PGLS: variants seen among roughly 807,000 people sequenced by gnomAD.
PGLS encodes the protein epididymis secretory protein Li 304.
Under a neutral mutation model 23.2 loss-of-function variants are expected in PGLS, and 21 were observed. The observed-to-expected ratio is 0.91, with a 90% CI of 0.64 to 1.31. PGLS has a LOEUF of 1.31. Among genes scored for constraint, PGLS ranks in the 50% most tolerant of loss-of-function variants. The pLI is 0.00. For synonymous variants in PGLS, 179 were observed against 165.4 expected, an observed-to-expected ratio of 1.08 and a Z score of -0.63; for missense variants, 410 against 354.0, an observed-to-expected ratio of 1.16 and a Z score of -1.27.
intron 1 of PGLS, among the ~76,000 whole-genome samples, chr19:17,514,132 G>A (rs1003310186): frequency 2.0e-5 from 3 of 152,204 alleles, no homozygotes; most frequent in Non-Finnish European, 4.4e-5. Flanking sequence ...TTCTCTCACC[G>A]TTCTGGAGGC....
At position 17,511,656 on chromosome 19, in the gene PGLS, C is replaced by A; in HGVS notation, c.-17C>A. On this transcript the variant is annotated 5_prime_UTR_variant, in exon 1 of 5. Transcript: ENST00000252603. ...GGCCGTAGGGAGCGCTTCCTCCTCC[C>A]CGCCGCCGCCCTCGCCATGGCCGCG... 6.8e-7 allele frequency: 1 copy of A among 1,466,180 alleles called. No homozygotes were observed. The highest frequency in any genetic ancestry group is 8.9e-7 in the Non-Finnish European group (1 of 1,119,060). The allele number at this position is 1,466,180 out of a possible 1,614,324, so 90.8% of individuals were successfully genotyped here.
intron 4 of PGLS, 31 bp from the exon 5 acceptor site, chr19:17,520,913 C>G: frequency 6.5e-7 from 1 of 1,548,742 alleles, no homozygotes; most frequent in South Asian, 1.2e-5. Context: ...GGGCCGCAGG[C>G]AGGGCCTTAC....
rs371206761 is a variant in PGLS at position 17,517,864 on chromosome 19, G to T, written c.639+14G>T. ...GCTGTTCTGAAGGTAACAGCTGAGG[G>T]TTCTAGTCCTGGGAAGTTCATGGGC... is the stretch of plus-strand genomic sequence containing the variant. On this transcript the variant is annotated intron_variant, in intron 4 of 4. Coordinates refer to ENST00000252603, the MANE Select transcript of PGLS (RefSeq NM_012088.3). 1.5e-4 allele frequency: 238 copies of T among 1,613,604 alleles called. No individual in the cohort carries two copies. Among genetic ancestry groups the T allele is most frequent in the Non-Finnish European group, 1.9e-4 (227 of 1,179,950 alleles).
chr19:17,511,835 G>T lies in PGLS; in HGVS notation c.163G>T (p.Ala55Ser). The change falls in exon 1 of 5, where the codon GCC becomes TCC. Residue 55 changes from alanine (A) to serine (S), a missense_variant. Transcript: ENST00000252603. The stretch of plus-strand genomic sequence containing the variant: ...GGGCGGGAGCCTCGTCTCGATGCTA[G>T]CCCGCGAGCTACCCGCCGCCGTCGC... ...LSGGSLVSML[A>S]RELPAAVAPA... 3.9e-6 allele frequency: 6 copies of T among 1,528,916 alleles called. No homozygotes were observed. Among genetic ancestry groups the T allele is most frequent in the Non-Finnish European group, 5.3e-6 (6 of 1,142,202 alleles). 94.7% of individuals were successfully genotyped at this position (1,528,916 alleles called of 1,614,324 possible). A position where few individuals can be genotyped will look rare whatever the true frequency, so the allele number is the denominator to read the frequency against.
intron 4 of PGLS, chr19:17,518,539 T>C (rs1475506469): frequency 1.3e-5 from 2 of 152,152 alleles, no homozygotes; most frequent in Non-Finnish European, 2.9e-5. Context: ...TTTTTTGTGT[T>C]ATTGTTGTTG....
Position 17,521,021 on chromosome 19 carries a change from C to T in PGLS, c.717C>T (p.Phe239=), listed in dbSNP as rs749823215. The T allele has an allele frequency of 1.9e-6, 3 of 1,601,788 alleles. No individual in the cohort carries two copies. Among genetic ancestry groups the T allele is most frequent in the Admixed American group, 1.7e-5 (1 of 59,096 alleles). ...CCCACACCGGGAAACTGTGCTGGTT[C>T]TTGGACGAGGCGGCCGCCCGCCTCC... ...VQPHTGKLCW[F]LDEAAARLLT... The change falls in exon 5 of 5, where the codon TTC becomes TTT. Residue 239 remains phenylalanine, a synonymous_variant. Coordinates refer to ENST00000252603, the MANE Select transcript of PGLS (RefSeq NM_012088.3).
At chr19:17,519,608 C>T (rs1464753518) in intron 4 of PGLS, among the ~76,000 whole-genome samples, 1 of 151,994 alleles carries the variant, frequency 6.6e-6, no homozygotes, top group East Asian at 2.0e-4. Flanking sequence ...CAACATTGGC[C>T]AGGCTGGTCT....
Position 17,521,215 on chromosome 19 carries a change from A to C in PGLS, c.*134A>C, listed in dbSNP as rs186929590. On this transcript the variant is annotated 3_prime_UTR_variant, in exon 5 of 5. Transcript: ENST00000252603. ...TGCTGGAAGCCAACAGCCTCCGGCCAGCAGCCCTACCCGGGGCTCAACACA... is the reference window on the plus strand; with the variant it reads ...TGCTGGAAGCCAACAGCCTCCGGCCCGCAGCCCTACCCGGGGCTCAACACA... The C allele has an allele frequency of 1.8e-3, 1,626 of 892,952 alleles. 30 individuals are homozygous for C. In the Admixed American group the frequency reaches 0.032, roughly 18 times the overall value. 55.3% of individuals were successfully genotyped at this position (892,952 alleles called of 1,614,324 possible). A position where few individuals can be genotyped will look rare whatever the true frequency, so the allele number is the denominator to read the frequency against.
chr19:17,515,438 G>C (rs1230460063), intron 1 of PGLS, among the ~76,000 whole-genome samples: 1 of 152,154 alleles, frequency 6.6e-6, no homozygotes, highest in Admixed American at 6.5e-5. Context: ...TAGGGCTGCA[G>C]CTTTCTCCTT....
At chr19:17,518,847 A>T (rs2075545060) in intron 4 of PGLS, among the ~76,000 whole-genome samples, 1 of 151,934 alleles carries the variant, frequency 6.6e-6, no homozygotes, top group African/African-American at 2.4e-5. Context: ...TTACTTTTCT[A>T]AGTGGTTGGA....
In PGLS at chr19:17,511,664, G is replaced by A; in HGVS notation, c.-9G>A. ...GGAGCGCTTCCTCCTCCCCGCCGCC[G>A]CCCTCGCCATGGCCGCGCCGGCCCC... On this transcript the variant is annotated 5_prime_UTR_variant, in exon 1 of 5. Transcript: ENST00000252603. The A allele has an allele frequency of 2.0e-6, 3 of 1,472,702 alleles. No homozygotes were observed. Among genetic ancestry groups the A allele is most frequent in the South Asian group, 1.3e-5 (1 of 77,720 alleles). 91.2% of individuals were successfully genotyped at this position (1,472,702 alleles called of 1,614,324 possible).
chr19:17,520,672 C>T (rs1346789115), intron 4 of PGLS: 3 of 278,150 alleles, frequency 1.1e-5, no homozygotes, highest in Admixed American at 5.3e-5. Flanking sequence ...CGGAGGTTGC[C>T]GTGAGCCAAG....
chr19:17,518,599 C>T (rs1302164562), intron 4 of PGLS: 1 of 152,036 alleles, frequency 6.6e-6, no homozygotes, highest in Non-Finnish European at 1.5e-5. Context: ...GATGTGACCT[C>T]AGCTCGCTAC....
At position 17,511,891 on chromosome 19, in the gene PGLS, G is replaced by A; in HGVS notation, c.219G>A (p.Trp73Ter). The A allele has an allele frequency of 1.9e-6, 3 of 1,542,404 alleles. No individual in the cohort carries two copies. Among genetic ancestry groups the A allele is most frequent in the East Asian group, 2.5e-5 (1 of 40,000 alleles). Reference protein sequence around the residue: ...APAGPASLARWTLGFCDERLV... With the variant: ...APAGPASLAR Reference sequence around the variant, plus strand: ...CCGGGCCAGCTAGCTTAGCGCGCTGGACGCTGGGCTTCTGCGACGAGCGCC... The same window carrying A: ...CCGGGCCAGCTAGCTTAGCGCGCTGAACGCTGGGCTTCTGCGACGAGCGCC... The change falls in exon 1 of 5, where the codon TGG (tryptophan) becomes TGA (stop). Residue 73 changes from tryptophan to a stop codon, truncating the protein, a stop_gained. Transcript: ENST00000252603. LOFTEE classifies it high-confidence loss of function.
chr19:17,517,665 A>G (rs2075539443), intron 3 of PGLS, 45 bp from the exon 4 acceptor site: 1 of 1,609,326 alleles, frequency 6.2e-7, no homozygotes, highest in Non-Finnish European at 8.5e-7. Flanking sequence ...AAGAAGCTGA[A>G]GTGACATTGT....
chr19:17,511,954 C>T lies in PGLS; in HGVS notation c.282C>T (p.Leu94=), dbSNP rs1434887740. ...PFDHAESTYG[L]YRTHLLSRLP... The stretch of plus-strand genomic sequence containing the variant: ...ATCACGCCGAGAGCACGTACGGCCT[C>T]TACCGGGTGAGAGCTACGGGGGCCG... The change falls in exon 1 of 5, where the codon CTC becomes CTT. Residue 94 remains leucine (L), a synonymous_variant. Transcript: ENST00000252603. 3 of 1,548,880 alleles carry T rather than the reference C, an allele frequency of 1.9e-6. No homozygotes were observed. Among genetic ancestry groups the T allele is most frequent in the Admixed American group, 1.9e-5 (1 of 51,804 alleles).
chr19:17,513,995 G>A (rs2075521614), intron 1 of PGLS, among the ~76,000 whole-genome samples: 1 of 152,226 alleles, frequency 6.6e-6, no homozygotes, highest in South Asian at 2.1e-4. Context: ...AAAGCCGTGT[G>A]ATGGGAGCAA....
intron 4 of PGLS, 65 bp downstream of exon 4, chr19:17,517,915 G>A (rs1026520437): frequency 1.3e-6 from 2 of 1,561,214 alleles, no homozygotes; most frequent in Non-Finnish European, 1.8e-6. Context: ...ACAGAAAATG[G>A]CCCCAGACAT....
rs776485346 is a variant in PGLS at position 17,511,865 on chromosome 19, G to C, written c.193G>C (p.Ala65Pro). 2.5e-5 allele frequency: 39 copies of C among 1,535,082 alleles called. No homozygotes were observed. Among genetic ancestry groups the C allele is most frequent in the Admixed American group, 1.8e-4 (9 of 50,554 alleles). ...ARELPAAVAPAGPASLARWTL... is the reference protein window; with the variant it reads ...ARELPAAVAPPGPASLARWTL... ...CGAGCTACCCGCCGCCGTCGCCCCTGCCGGGCCAGCTAGCTTAGCGCGCTG... is the reference window on the plus strand; with the variant it reads ...CGAGCTACCCGCCGCCGTCGCCCCTCCCGGGCCAGCTAGCTTAGCGCGCTG... Residue 65 changes from alanine to proline, a missense_variant, in exon 1 of 5, where the codon GCC becomes CCC. Ala to Pro is a conservative substitution (Grantham distance 27, BLOSUM62 -1). Transcript: ENST00000252603.
Sources: allele counts gnomAD v4.1 joint callset (sites outside exome capture counted in the v4.1 genomes callset), GRCh38; gene constraint gnomAD v4.1.1; transcripts MANE v1.5; gene names NCBI Gene and HGNC (gene_info 2026-07-23, HGNC 2026-07-21).